Variants in HLA-DRA observed in about 807,000 individuals in gnomAD.
HLA-DRA encodes the protein HLA class II histocompatibility antigen, DR alpha chain.
HLA-DRA carries 8 observed loss-of-function variants against 22.1 expected under a neutral mutation model. That is an observed-to-expected ratio of 0.36 (90% CI 0.21 to 0.65). The LOEUF (loss-of-function observed/expected upper bound fraction) is 0.65. Ranked by LOEUF, HLA-DRA falls within the 30% of genes least tolerant of loss-of-function variation. The pLI is 0.63. For synonymous variants in HLA-DRA, 101 were observed against 117.1 expected (o/e 0.86, Z 0.89); for missense variants, 248 against 321.3 (o/e 0.77, Z 1.74).
At chr6:32,444,610 C>T (rs564163628) in intron 4 of HLA-DRA, 42 bp from the exon 5 acceptor site, 9 of 152,284 alleles carry the variant, frequency 5.9e-5, no homozygotes, top group African/African-American at 1.4e-4. Context: ...GAGCTCAAAA[C>T]TGATCTTCAA....
intron 1 of HLA-DRA, 37 bp from the exon 2 acceptor site, chr6:32,442,411 C>G: frequency 3.1e-6 from 5 of 1,611,612 alleles, no homozygotes; most frequent in Non-Finnish European, 3.4e-6. Context: ...CTTGATTCCC[C>G]CCACCCAACT....
rs373187293 is a variant in HLA-DRA, at chr6:32,443,954, T to C, written c.*11+33T>C. 2.5e-4 allele frequency: 360 copies of C among 1,432,988 alleles called. 2 individuals are homozygous for C. The highest frequency in any genetic ancestry group is 1.3e-3 in the Middle Eastern group (7 of 5,222). The allele number at this position is 1,432,988 out of a possible 1,614,324, so 88.8% of individuals were successfully genotyped here. ...AGGTGTGGTCAGAGGAAGACGTATA[T>C]GGAGATATCTGAGGGAGGAAAACAG... is the stretch of plus-strand genomic sequence containing the variant. On this transcript the variant is annotated intron_variant, in intron 4 of 4. Coordinates refer to ENST00000395388, the MANE Select transcript of HLA-DRA (RefSeq NM_019111.5).
rs142014572 is a variant in HLA-DRA, at chr6:32,443,360, C to A, written c.504C>A (p.His168Gln). ...SETVFLPRED[H>Q]LFRKFHYLPF... ...CAGTCTTCCTGCCCAGGGAAGACCA[C>A]CTTTTCCGCAAGTTCCACTATCTCC... is the stretch of plus-strand genomic sequence containing the variant. Residue 168 changes from histidine (H) to glutamine (Q), a missense_variant, in exon 3 of 5, where the codon CAC becomes CAA. Physicochemically the swap from His to Gln is conservative, Grantham distance 24. Coordinates refer to ENST00000395388, the MANE Select transcript of HLA-DRA (RefSeq NM_019111.5). 1 of 1,612,976 alleles carries A rather than the reference C, an allele frequency of 6.2e-7. No homozygotes were observed. Among genetic ancestry groups the A allele is most frequent in the Non-Finnish European group, 8.5e-7 (1 of 1,179,972 alleles).
Position 32,439,907 on chromosome 6 carries a change from A to T in HLA-DRA, c.-44A>T. 1 of 1,454,950 alleles carries T rather than the reference A, an allele frequency of 6.9e-7. No homozygotes were observed. The highest frequency in any genetic ancestry group is 9.7e-7 in the Non-Finnish European group (1 of 1,035,000). The allele number at this position is 1,454,950 out of a possible 1,614,324, so 90.1% of individuals were successfully genotyped here. A position where few individuals can be genotyped will look rare whatever the true frequency, so the allele number is the denominator to read the frequency against. ...CTTTTATTCTTGTCTGTTCTGCCTC[A>T]CTCCCGAGCTCTACTGACTCCCAAC... On this transcript the variant is annotated 5_prime_UTR_variant, in exon 1 of 5. Coordinates refer to ENST00000395388, the MANE Select transcript of HLA-DRA (RefSeq NM_019111.5).
rs766104968 is a variant in HLA-DRA at position 32,443,742 on chromosome 6, T to C, written c.611-14T>C. On this transcript the variant is annotated splice_polypyrimidine_tract_variant and intron_variant, in intron 3 of 4. Transcript: ENST00000395388. ...CACACTCATTACCATGTACTCTGCCTTATTTCCCCCCAGAGTTTGATGCTC... is the reference window on the plus strand; with the variant it reads ...CACACTCATTACCATGTACTCTGCCCTATTTCCCCCCAGAGTTTGATGCTC... The C allele has an allele frequency of 6.4e-7, 1 of 1,567,978 alleles. No homozygotes were observed. The highest frequency in any genetic ancestry group is 8.6e-7 in the Non-Finnish European group (1 of 1,159,502).
At chr6:32,443,080 T>G in intron 2 of HLA-DRA, 105 bp from the exon 3 acceptor site, 1 of 1,029,398 alleles carries the variant, frequency 9.7e-7, no homozygotes, top group Non-Finnish European at 1.4e-6. Context: ...TTTTTCAGCT[T>G]TAGGGTTTTT....
Position 32,439,954 on chromosome 6 carries a change from G to A in HLA-DRA, c.4G>A (p.Ala2Thr), listed in dbSNP as rs765347014. 8.7e-6 allele frequency: 14 copies of A among 1,613,962 alleles called. No homozygotes were observed. The highest frequency in any genetic ancestry group is 1.2e-5 in the Non-Finnish European group (14 of 1,179,908). ...CAACAGAGCGCCCAAGAAGAAAATG[G>A]CCATAAGTGGAGTCCCTGTGCTAGG... M[A>T]ISGVPVLGFF... The change falls in exon 1 of 5, where the codon GCC becomes ACC. Residue 2 changes from alanine (A) to threonine (T), a missense_variant. Ala to Thr is a moderately conservative substitution (Grantham distance 58). Transcript: ENST00000395388.
chr6:32,443,749 C>A lies in HLA-DRA; in HGVS notation c.611-7C>A. Reference sequence around the variant, plus strand: ...ATTACCATGTACTCTGCCTTATTTCCCCCCAGAGTTTGATGCTCCAAGCCC... The same window carrying A: ...ATTACCATGTACTCTGCCTTATTTCACCCCAGAGTTTGATGCTCCAAGCCC... On this transcript the variant is annotated splice_polypyrimidine_tract_variant and splice_region_variant and intron_variant, in intron 3 of 4. Coordinates refer to ENST00000395388, the MANE Select transcript of HLA-DRA (RefSeq NM_019111.5). 6.3e-7 allele frequency: 1 copy of A among 1,574,928 alleles called. No individual in the cohort carries two copies. Among genetic ancestry groups the A allele is most frequent in the South Asian group, 1.2e-5 (1 of 83,674 alleles).
Position 32,443,202 on chromosome 6 carries a change from G to A in HLA-DRA, c.346G>A (p.Val116Met). ...PITNVPPEVTVLTNSPVELRE... is the reference protein window; with the variant it reads ...PITNVPPEVTMLTNSPVELRE... ...TCCCCCAGTACCTCCAGAGGTAACT[G>A]TGCTCACAAACAGCCCTGTGGAACT... is the stretch of plus-strand genomic sequence containing the variant. Residue 116 changes from valine (V) to methionine (M), a missense_variant, in exon 3 of 5, where the codon GTG becomes ATG. Physicochemically the swap from Val to Met is conservative, Grantham distance 21. Coordinates refer to ENST00000395388, the MANE Select transcript of HLA-DRA (RefSeq NM_019111.5). 2 of 1,612,530 alleles carry A rather than the reference G, an allele frequency of 1.2e-6. No homozygotes were observed. The highest frequency in any genetic ancestry group is 1.7e-6 in the Non-Finnish European group (2 of 1,179,570).
At chr6:32,443,100 T>G in intron 2 of HLA-DRA, 85 bp from the exon 3 acceptor site, 1 of 1,241,496 alleles carries the variant, frequency 8.1e-7, no homozygotes, top group Non-Finnish European at 1.2e-6. Flanking sequence ...TAGATACGTT[T>G]GTACCACAAT....
rs1006122813 is a variant in HLA-DRA, at chr6:32,443,799, G to A, written c.654G>A (p.Val218=). 1.2e-6 allele frequency: 2 copies of A among 1,611,458 alleles called. No homozygotes were observed. Among genetic ancestry groups the A allele is most frequent in the Admixed American group, 1.7e-5 (1 of 59,748 alleles). Residue 218 remains valine (V), a synonymous_variant, in exon 4 of 5, where the codon GTG becomes GTA. Transcript: ENST00000395388. ...CTCTCCCAGAGACTACAGAGAACGT[G>A]GTGTGTGCCCTGGGCCTGACTGTGG... The part of the protein sequence containing the change: ...PSPLPETTEN[V]VCALGLTVGL...
chr6:32,442,375 T>C, intron 1 of HLA-DRA, 73 bp from the exon 2 acceptor site: 1 of 1,549,710 alleles, frequency 6.5e-7, no homozygotes, highest in East Asian at 2.2e-5. Flanking sequence ...CCTGCCTACA[T>C]GTATGTAGGT....
rs117531802 is a variant in HLA-DRA, at chr6:32,443,613, T to C, written c.611-143T>C. On this transcript the variant is annotated intron_variant, in intron 3 of 4. Coordinates refer to ENST00000395388, the MANE Select transcript of HLA-DRA (RefSeq NM_019111.5). ...ATCCAGCTTCCTCCTTTTTTTAATC[T>C]GTAATTCTCTCAATACATCATTCTG... 113 of 1,136,848 alleles carry C rather than the reference T, an allele frequency of 9.9e-5. 1 individual carries two copies. The East Asian group carries it at 2.4e-3, about 25-fold the overall frequency. The allele number at this position is 1,136,848 out of a possible 1,614,324, so 70.4% of individuals were successfully genotyped here.
intron 3 of HLA-DRA, 90 bp from the exon 4 acceptor site, chr6:32,443,666 C>T: frequency 6.9e-6 from 9 of 1,313,816 alleles, no homozygotes. Context: ...CTATGAATAA[C>T]TTTTCTCTTT....
chr6:32,443,449 C>G lies in HLA-DRA; in HGVS notation c.593C>G (p.Pro198Arg). The G allele has an allele frequency of 6.2e-7, 1 of 1,612,844 alleles. No homozygotes were observed. Among genetic ancestry groups the G allele is most frequent in the South Asian group, 1.1e-5 (1 of 91,070 alleles). The change falls in exon 3 of 5, where the codon CCT becomes CGT. Residue 198 changes from proline (P) to arginine (R), a missense_variant. Transcript: ENST00000395388. Reference sequence around the variant, plus strand: ...GTGGAGCACTGGGGCTTGGATGAGCCTCTTCTCAAGCACTGGGGTATGGAC... The same window carrying G: ...GTGGAGCACTGGGGCTTGGATGAGCGTCTTCTCAAGCACTGGGGTATGGAC... ...CRVEHWGLDE[P>R]LLKHWEFDAP...
chr6:32,443,095 AC>A, intron 2 of HLA-DRA, 89 bp from the exon 3 acceptor site: 1 of 1,161,138 alleles, frequency 8.6e-7, no homozygotes, highest in Non-Finnish European at 1.2e-6. Flanking sequence ...GTTTTTAGAT[AC>A]GTTTGTACCA....
At position 32,442,696 on chromosome 6, in the gene HLA-DRA, A is replaced by G; in HGVS notation, c.328+3A>G. The G allele has an allele frequency of 6.2e-7, 1 of 1,612,782 alleles. No homozygotes were observed. The highest frequency in any genetic ancestry group is 8.5e-7 in the Non-Finnish European group (1 of 1,179,816). ...CAACTATACTCCGATCACCAATGGT[A>G]CCTCCCTCTCTGCTGCACTCCTGGA... On this transcript the variant is annotated splice_donor_region_variant and intron_variant, in intron 2 of 4. Transcript: ENST00000395388.
intron 1 of HLA-DRA, among the ~76,000 whole-genome samples, chr6:32,440,546 A>G (rs1047023467): frequency 6.6e-6 from 1 of 152,214 alleles, no homozygotes; most frequent in Non-Finnish European, 1.5e-5. Context: ...GAAGATTACT[A>G]GAAGGAAAAG....
At chr6:32,440,661 T>C (rs1762560827) in intron 1 of HLA-DRA, among the ~76,000 whole-genome samples, 1 of 152,202 alleles carries the variant, frequency 6.6e-6, no homozygotes, top group African/African-American at 2.4e-5. Flanking sequence ...CCCATCTCCA[T>C]GGTACAGCAG....
Sources: gnomAD v4.1 joint callset for allele counts (sites outside exome capture counted in the v4.1 genomes callset) on GRCh38, gnomAD v4.1.1 for gene constraint, MANE v1.5 for transcripts, NCBI Gene and HGNC (gene_info 2026-07-23, HGNC 2026-07-21) for gene names.